SLC43A1: variants seen among roughly 807,000 people sequenced by gnomAD.
SLC43A1 encodes the protein large neutral amino acids transporter small subunit 3.
SLC43A1 carries 31 observed loss-of-function variants against 59.5 expected under a neutral mutation model. That is an observed-to-expected ratio of 0.52 (90% CI 0.39 to 0.70). The LOEUF is 0.70. Among genes scored for constraint, SLC43A1 ranks in the 30% least tolerant of loss-of-function variants. The probability of loss-of-function intolerance (pLI) is 0.00; values close to 1 mark genes in which losing one functional copy is unlikely to be tolerated. For missense variants in SLC43A1, 598 were observed against 717.8 expected, an observed-to-expected ratio of 0.83 and a Z score of 1.91; for synonymous variants, 259 against 290.9, an observed-to-expected ratio of 0.89 and a Z score of 1.12.
In SLC43A1 at chr11:57,500,858, G is replaced by A; in HGVS notation, c.389-3C>T. ...CAGGAATATCAACGGAGACAGAGCTGGAAAGGGGAAAGCAGCAGATGAGGG... is the reference window on the plus strand; with the variant it reads ...CAGGAATATCAACGGAGACAGAGCTAGAAAGGGGAAAGCAGCAGATGAGGG... On this transcript the variant is annotated splice_polypyrimidine_tract_variant and splice_region_variant and intron_variant, in intron 4 of 14. Coordinates refer to ENST00000278426, the MANE Select transcript of SLC43A1 (RefSeq NM_003627.6). 1 of 1,614,128 alleles carries A rather than the reference G, an allele frequency of 6.2e-7. No individual in the cohort carries two copies. Among genetic ancestry groups the A allele is most frequent in the Non-Finnish European group, 8.5e-7 (1 of 1,179,976 alleles).
rs1310106321 is a variant in SLC43A1, at chr11:57,514,845, A to AC, written c.-14+598_-14+599insG. 2.9e-5 allele frequency: 29 copies of AC among 985,184 alleles called. No homozygotes were observed. The highest frequency in any genetic ancestry group is 3.4e-5 in the Non-Finnish European group (28 of 829,996). 61.0% of individuals were successfully genotyped at this position (985,184 alleles called of 1,614,324 possible). ...CCGCTTGCCCCCCTCCAGCCCCGGGAGGGGGCTCGGACTTCGGCAGGAAGT... is the reference window on the plus strand; with the variant it reads ...CCGCTTGCCCCCCTCCAGCCCCGGGACGGGGGCTCGGACTTCGGCAGGAAGT... On this transcript the variant is annotated intron_variant, in intron 1 of 14. Transcript: ENST00000278426. This position sits in a 1 kb window ranked among gnomAD's most constrained non-coding sequence, Gnocchi z 5.5.
intron 8 of SLC43A1, among the ~76,000 whole-genome samples, chr11:57,492,808 G>A (rs1477633047): frequency 6.7e-6 from 1 of 149,704 alleles, no homozygotes; most frequent in Non-Finnish European, 1.5e-5. Flanking sequence ...TTCGGAGGCT[G>A]AGGCAGGAGC....
chr11:57,492,273 T>C (rs1943930810), intron 8 of SLC43A1, among the ~76,000 whole-genome samples: 1 of 141,118 alleles, frequency 7.1e-6, no homozygotes, highest in Non-Finnish European at 1.5e-5. Flanking sequence ...TATATAAATA[T>C]ACATATATAT....
At chr11:57,513,280 G>A (rs1010724588) in intron 2 of SLC43A1, among the ~76,000 whole-genome samples, 2 of 152,224 alleles carry the variant, frequency 1.3e-5, no homozygotes, top group Non-Finnish European at 2.9e-5. Context: ...GGCGGAGCTT[G>A]TCAGCACAGC....
intron 5 of SLC43A1, chr11:57,499,660 G>C (rs1243444473): frequency 1.3e-5 from 2 of 152,360 alleles, no homozygotes; most frequent in Admixed American, 6.5e-5. Flanking sequence ...CCTCGTCCAA[G>C]TCTGGGCCAA....
At chr11:57,505,441 G>A (rs1428180385) in intron 2 of SLC43A1, among the ~76,000 whole-genome samples, 1 of 151,962 alleles carries the variant, frequency 6.6e-6, no homozygotes, top group Non-Finnish European at 1.5e-5. Flanking sequence ...GAACCCAGGA[G>A]GCAGAGGTTC....
chr11:57,499,898 C>T (rs957762103), intron 5 of SLC43A1, among the ~76,000 whole-genome samples: 3 of 151,670 alleles, frequency 2.0e-5, no homozygotes, highest in Non-Finnish European at 4.4e-5. Flanking sequence ...GAAGGGGCTG[C>T]GCAGAGGGGC....
chr11:57,487,652 G>A (rs548581724), intron 13 of SLC43A1, among the ~76,000 whole-genome samples: 41 of 151,828 alleles, frequency 2.7e-4, no homozygotes, highest in Non-Finnish European at 5.0e-4. Flanking sequence ...AGCAGGTGGC[G>A]GTCAGACAAT....
In SLC43A1 at chr11:57,487,218, C is replaced by A. The variant is rs751952298; in HGVS notation, c.1410G>T (p.Val470=). Residue 470 remains valine, a splice_region_variant and synonymous_variant, in exon 14 of 15, where the codon GTG becomes GTT. Coordinates refer to ENST00000278426, the MANE Select transcript of SLC43A1 (RefSeq NM_003627.6). ...HSACGSLYAA[V]FPSNHFGTLT... ...GCGTCCCAAAGTGGTTGGATGGGAA[C>A]CTGTCCACGAGACGGGGAGTATCAG... The A allele has an allele frequency of 6.8e-6, 11 of 1,612,546 alleles. No individual in the cohort carries two copies. The highest frequency in any genetic ancestry group is 1.1e-5 in the South Asian group (1 of 91,038).
At chr11:57,511,827 G>C (rs1471593238) in intron 2 of SLC43A1, among the ~76,000 whole-genome samples, 1 of 152,170 alleles carries the variant, frequency 6.6e-6, no homozygotes, top group Non-Finnish European at 1.5e-5. Context: ...TAAATGAAAT[G>C]TTCAGAATAG....
rs551218488 is a variant in SLC43A1, at chr11:57,512,526, A to G, written c.154+1432T>C. ...GCCAATGCACTCCAGCCTGGGTGAC[A>G]GAGTGAGACTCTGTCTCAAAAAAAA... On this transcript the variant is annotated intron_variant, in intron 2 of 14. Coordinates refer to ENST00000278426, the MANE Select transcript of SLC43A1 (RefSeq NM_003627.6). Among the ~76,000 whole-genome samples, 12 of 151,392 alleles carry G rather than the reference A, an allele frequency of 7.9e-5. No homozygotes were observed. The South Asian group carries it at 2.5e-3, about 32-fold the overall frequency.
chr11:57,514,101 G>T lies in SLC43A1; in HGVS notation c.11C>A (p.Thr4Lys), dbSNP rs116713079. 1.8e-5 allele frequency: 28 copies of T among 1,591,786 alleles called. No homozygotes were observed. The highest frequency in any genetic ancestry group is 1.5e-5 in the Non-Finnish European group (17 of 1,169,832). The change falls in exon 2 of 15, where the codon ACG (threonine) becomes AAG (lysine). Residue 4 changes from threonine (T) to lysine (K), a missense_variant. Physicochemically the swap from Thr to Lys is moderately conservative, Grantham distance 78. Coordinates refer to ENST00000278426, the MANE Select transcript of SLC43A1 (RefSeq NM_003627.6). The surrounding 1 kb of genome is among the most constrained non-coding windows in gnomAD (Gnocchi z 5.5). MAP[T>K]LQQAYRRRWW... Reference sequence around the variant, plus strand: ...GCGCCTCCGGTACGCCTGTTGCAGCGTGGGGGCCATGCTGGCCCCGAGCCT... The same window carrying T: ...GCGCCTCCGGTACGCCTGTTGCAGCTTGGGGGCCATGCTGGCCCCGAGCCT...
chr11:57,491,959 A>G (rs1053548542), intron 8 of SLC43A1, 97 bp from the exon 9 acceptor site: 7 of 1,192,434 alleles, frequency 5.9e-6, no homozygotes, highest in African/African-American at 3.0e-5. Context: ...GACACTAACT[A>G]TGTGACTTTG....
intron 2 of SLC43A1, among the ~76,000 whole-genome samples, chr11:57,509,323 C>G (rs1050021205): frequency 6.6e-6 from 1 of 152,004 alleles, no homozygotes; most frequent in Non-Finnish European, 1.5e-5. Flanking sequence ...GGCATGGTGG[C>G]TCACACCTGC....
Position 57,494,136 on chromosome 11 carries a change from T to A in SLC43A1, c.728A>T (p.His243Leu). 1 of 1,610,956 alleles carries A rather than the reference T, an allele frequency of 6.2e-7. No homozygotes were observed. The highest frequency in any genetic ancestry group is 1.1e-5 in the South Asian group (1 of 90,536). ...KIKLSGLALD[H>L]KVTGDLFYTH... ...GTAGAAGAGGTCACCTGTCACCTTGTGGTCCAGGGCCAGCCCACTCAGCTT... is the reference window on the plus strand; with the variant it reads ...GTAGAAGAGGTCACCTGTCACCTTGAGGTCCAGGGCCAGCCCACTCAGCTT... The change falls in exon 8 of 15, where the codon CAC becomes CTC. Residue 243 changes from histidine to leucine, a missense_variant. By Grantham distance (99) the His-to-Leu change is moderately conservative (BLOSUM62 -3). Coordinates refer to ENST00000278426, the MANE Select transcript of SLC43A1 (RefSeq NM_003627.6).
At chr11:57,506,706 C>CTGTA (rs1554984629) in intron 2 of SLC43A1, among the ~76,000 whole-genome samples, 1 of 151,702 alleles carries the variant, frequency 6.6e-6, no homozygotes, top group Non-Finnish European at 1.5e-5. Flanking sequence ...TTACTCTGCC[C>CTGTA]TTTACTAGCT....
At chr11:57,503,335 T>G (rs1944316439) in intron 2 of SLC43A1, among the ~76,000 whole-genome samples, 1 of 141,492 alleles carries the variant, frequency 7.1e-6, no homozygotes, top group African/African-American at 2.6e-5. Context: ...GGTCTCACTC[T>G]GTCTCCCAGG....
At chr11:57,509,624 AG>A (rs1944476841) in intron 2 of SLC43A1, among the ~76,000 whole-genome samples, 1 of 130,694 alleles carries the variant, frequency 7.7e-6, no homozygotes, top group Non-Finnish European at 1.6e-5. Context: ...GAAGGAAGGA[AG>A]GAAGGAAGGA....
rs760614247 is a variant in SLC43A1 at position 57,495,437 on chromosome 11, G to A, written c.692+594C>T. ...CATGCCACTGCACTCCAGCCTGGGC[G>A]ACAGAATGAGACTCTGTCTCAAAAA... On this transcript the variant is annotated intron_variant, in intron 7 of 14. Transcript: ENST00000278426. 1.2e-4 allele frequency among the ~76,000 whole-genome samples: 18 copies of A among 152,030 alleles called. No individual in the cohort carries two copies. In the East Asian group the frequency reaches 1.6e-3, roughly 13 times the overall value.
Sources: allele counts gnomAD v4.1 joint callset (sites outside exome capture counted in the v4.1 genomes callset), GRCh38; gene constraint gnomAD v4.1.1; non-coding constraint Gnocchi (gnomAD v3.1); transcripts MANE v1.5; gene names NCBI Gene and HGNC (gene_info 2026-07-23, HGNC 2026-07-21).